CAPZB: variants seen among roughly 807,000 people sequenced by gnomAD.
CAPZB encodes capping actin protein of muscle Z-line subunit beta, also known as F-actin-capping protein subunit beta.
CAPZB carries 2 observed loss-of-function variants against 38.1 expected under a neutral mutation model. The ratio of observed to expected loss-of-function variants is 0.05; its 90% CI spans 0.02 to 0.17. The LOEUF (loss-of-function observed/expected upper bound fraction) is 0.17, where lower values mean the gene tolerates loss of function less well. Ranked by LOEUF, CAPZB falls within the 10% of genes least tolerant of loss-of-function variation. The pLI is 1.00. For synonymous variants in CAPZB, 107 were observed against 127.4 expected, an observed-to-expected ratio of 0.84 and a Z score of 1.08; for missense variants, 161 against 334.2, an observed-to-expected ratio of 0.48 and a Z score of 4.04.
chr1:19,374,695 G>T (rs1412726038), intron 4 of CAPZB, among the ~76,000 whole-genome samples: 2 of 152,188 alleles, frequency 1.3e-5, no homozygotes, highest in African/African-American at 4.8e-5. Flanking sequence ...CTCACAGGCC[G>T]GGGACACCAG....
intron 2 of CAPZB, 167 bp from the exon 3 acceptor site, chr1:19,385,793 C>T (rs2094201041): frequency 2.5e-6 from 2 of 800,622 alleles, no homozygotes; most frequent in Admixed American, 1.7e-5. Flanking sequence ...GTGTCTGACA[C>T]CAACTGTGTC....
intron 1 of CAPZB, among the ~76,000 whole-genome samples, chr1:19,426,832 G>C (rs557308490): frequency 6.6e-6 from 1 of 152,338 alleles, no homozygotes; most frequent in South Asian, 2.1e-4. Flanking sequence ...ACTAGGTTTC[G>C]GGATGGTTTT....
At chr1:19,342,328 G>C (rs374681626) in intron 8 of CAPZB, among the ~76,000 whole-genome samples, 18 of 152,218 alleles carry the variant, frequency 1.2e-4, no homozygotes, top group African/African-American at 4.1e-4. Flanking sequence ...GCTGAGCAGC[G>C]GGGAGGCTTA....
chr1:19,485,131 G>T (rs1319630378), intron 1 of CAPZB, among the ~76,000 whole-genome samples: 1 of 152,308 alleles, frequency 6.6e-6, no homozygotes, highest in East Asian at 1.9e-4. Context: ...CTGGGGACAC[G>T]GTTCGGGAGG....
rs1213953204 is a variant in CAPZB, at chr1:19,357,356, C to G, written c.471+66G>C. 6.9e-7 allele frequency: 1 copy of G among 1,441,714 alleles called. No individual in the cohort carries two copies. The highest frequency in any genetic ancestry group is 1.4e-5 in the African/African-American group (1 of 71,564). The allele number at this position is 1,441,714 out of a possible 1,614,324, so 89.3% of individuals were successfully genotyped here. A position where few individuals can be genotyped will look rare whatever the true frequency, so the allele number is the denominator to read the frequency against. ...CCCTACTGCATCTGTTAGAGAGCAGCGCGGCACTGGTTGGTGTGCCATCTG... is the reference window on the plus strand; with the variant it reads ...CCCTACTGCATCTGTTAGAGAGCAGGGCGGCACTGGTTGGTGTGCCATCTG... On this transcript the variant is annotated intron_variant, in intron 5 of 8. Coordinates refer to ENST00000264202, the MANE Select transcript of CAPZB (RefSeq NM_004930.5). The surrounding 1 kb of genome is among the most constrained non-coding windows in gnomAD (Gnocchi z 4.3).
In CAPZB at chr1:19,449,435, T is replaced by C. The variant is rs370934777; in HGVS notation, c.4-29685A>G. Reference sequence around the variant, plus strand: ...AACCAGCAGGTCTCAGGGTGAACCATGGTATGTCCACTCAGTGGAACAGTA... The same window carrying C: ...AACCAGCAGGTCTCAGGGTGAACCACGGTATGTCCACTCAGTGGAACAGTA... On this transcript the variant is annotated intron_variant, in intron 1 of 8. Coordinates refer to ENST00000264202, the MANE Select transcript of CAPZB (RefSeq NM_004930.5). 20 of 594,276 alleles carry C rather than the reference T, an allele frequency of 3.4e-5. No individual in the cohort carries two copies. In the East Asian group the frequency reaches 2.3e-3, roughly 67 times the overall value. 36.8% of individuals were successfully genotyped at this position (594,276 alleles called of 1,614,324 possible).
rs1025332504 is a variant in CAPZB at position 19,339,356 on chromosome 1, G to A, written c.*174C>T. 1 of 666,568 alleles carries A rather than the reference G, an allele frequency of 1.5e-6. No individual in the cohort carries two copies. The highest frequency in any genetic ancestry group is 2.7e-6 in the Non-Finnish European group (1 of 370,164). The allele number at this position is 666,568 out of a possible 1,614,324, so 41.3% of individuals were successfully genotyped here. A position where few individuals can be genotyped will look rare whatever the true frequency, so the allele number is the denominator to read the frequency against. On this transcript the variant is annotated 3_prime_UTR_variant, in exon 9 of 9. Coordinates refer to ENST00000264202, the MANE Select transcript of CAPZB (RefSeq NM_004930.5). ...TGGCAGAAGCAGGCTCGGAGCCGGA[G>A]GAGGGTGGCTATCGGCTTTATTCTC...
chr1:19,429,919 G>C (rs1003934765), intron 1 of CAPZB, among the ~76,000 whole-genome samples: 1 of 152,126 alleles, frequency 6.6e-6, no homozygotes, highest in African/African-American at 2.4e-5. Flanking sequence ...AAGAGAGGCA[G>C]GGACAGTGAG....
intron 1 of CAPZB, among the ~76,000 whole-genome samples, chr1:19,479,186 G>A (rs1352397683): frequency 6.6e-6 from 1 of 152,206 alleles, no homozygotes; most frequent in African/African-American, 2.4e-5. Context: ...CTCCAGCCTA[G>A]GTGGCAGAGC....
chr1:19,430,580 A>G (rs1267666630), intron 1 of CAPZB, among the ~76,000 whole-genome samples: 1 of 152,234 alleles, frequency 6.6e-6, no homozygotes, highest in East Asian at 1.9e-4. Context: ...GGCAAAGCAG[A>G]GTCGCTGCCC....
chr1:19,485,393 C>T (rs2094647865), intron 1 of CAPZB, 43 bp downstream of exon 1: 4 of 1,217,978 alleles, frequency 3.3e-6, no homozygotes, highest in Non-Finnish European at 2.0e-6. Flanking sequence ...ACGCGAGCTC[C>T]GGAGGGGCCC....
chr1:19,368,210 T>G (rs1369207765), intron 4 of CAPZB, among the ~76,000 whole-genome samples: 1 of 152,132 alleles, frequency 6.6e-6, no homozygotes, highest in Admixed American at 6.5e-5. Flanking sequence ...GTGCCCATAT[T>G]CTGCCCCATG....
At chr1:19,393,065 C>T (rs1394674082) in intron 2 of CAPZB, among the ~76,000 whole-genome samples, 2 of 152,238 alleles carry the variant, frequency 1.3e-5, no homozygotes, top group Non-Finnish European at 2.9e-5. Flanking sequence ...CACAAGCCTG[C>T]TCCCCAACTC....
At chr1:19,433,668 A>AG (rs2094449364) in intron 1 of CAPZB, among the ~76,000 whole-genome samples, 1 of 152,198 alleles carries the variant, frequency 6.6e-6, no homozygotes, top group South Asian at 2.1e-4. Flanking sequence ...TTTATCTAGA[A>AG]GGGGGTGGTG....
chr1:19,394,787 G>C (rs2094257113), intron 2 of CAPZB, among the ~76,000 whole-genome samples: 1 of 152,122 alleles, frequency 6.6e-6, no homozygotes, highest in Non-Finnish European at 1.5e-5. Context: ...TTGAGATAAT[G>C]GTACATACAG....
intron 2 of CAPZB, among the ~76,000 whole-genome samples, chr1:19,414,254 C>T (rs1197498833): frequency 1.3e-5 from 2 of 152,174 alleles, no homozygotes; most frequent in African/African-American, 4.8e-5. Flanking sequence ...GGGATAATTT[C>T]AAAGCATGGC....
intron 1 of CAPZB, among the ~76,000 whole-genome samples, chr1:19,421,667 C>T (rs2094401550): frequency 6.6e-6 from 1 of 152,238 alleles, no homozygotes; most frequent in African/African-American, 2.4e-5. Context: ...GCAGAACACA[C>T]AGATAAGCTG....
intron 1 of CAPZB, among the ~76,000 whole-genome samples, chr1:19,480,420 G>A (rs1373243203): frequency 1.3e-5 from 2 of 152,208 alleles, no homozygotes; most frequent in Non-Finnish European, 2.9e-5. Context: ...GTGGCAGACA[G>A]GACTCAAATC....
chr1:19,342,976 G>A, intron 8 of CAPZB: 1 of 728,072 alleles, frequency 1.4e-6, no homozygotes, highest in Admixed American at 2.0e-5. Flanking sequence ...CGAGGCGGAA[G>A]GGGGGATGCC....
Sources: gnomAD v4.1 joint callset for allele counts (sites outside exome capture counted in the v4.1 genomes callset) on GRCh38, gnomAD v4.1.1 for gene constraint, Gnocchi (gnomAD v3.1) non-coding constraint, MANE v1.5 for transcripts, NCBI Gene and HGNC (gene_info 2026-07-23, HGNC 2026-07-21) for gene names.